Variants in DTNBP1 observed in about 807,000 individuals in gnomAD.
DTNBP1 encodes dystrobrevin binding protein 1.
DTNBP1 carries 35 observed loss-of-function variants against 42.8 expected under a neutral mutation model. The observed-to-expected ratio is 0.82, with a 90% CI of 0.63 to 1.09. The LOEUF (loss-of-function observed/expected upper bound fraction) is 1.09, where lower values mean the gene tolerates loss of function less well. DTNBP1 is among the 50% of genes least tolerant of loss of function. The pLI is 0.00. For synonymous variants in DTNBP1, 171 were observed against 162.2 expected (o/e 1.05, Z -0.41); for missense variants, 457 against 424.2 (o/e 1.08, Z -0.68).
At chr6:15,602,516 T>C (rs1006946419) in intron 6 of DTNBP1, among the ~76,000 whole-genome samples, 1 of 152,238 alleles carries the variant, frequency 6.6e-6, no homozygotes, top group East Asian at 1.9e-4. Flanking sequence ...TTTTATACTT[T>C]TGAAAGTATC....
At chr6:15,619,139 A>C (rs1157984515) in intron 5 of DTNBP1, among the ~76,000 whole-genome samples, 1 of 152,208 alleles carries the variant, frequency 6.6e-6, no homozygotes, top group Non-Finnish European at 1.5e-5. Flanking sequence ...AGGAAGAATA[A>C]GTTCTAGTAT....
At chr6:15,565,445 G>A (rs1775028876) in intron 7 of DTNBP1, among the ~76,000 whole-genome samples, 1 of 152,190 alleles carries the variant, frequency 6.6e-6, no homozygotes, top group African/African-American at 2.4e-5. Flanking sequence ...TCCATTAACT[G>A]GGGAATGGAT....
At chr6:15,559,746 A>G (rs892768464) in intron 7 of DTNBP1, among the ~76,000 whole-genome samples, 7 of 152,190 alleles carry the variant, frequency 4.6e-5, no homozygotes, top group Admixed American at 1.3e-4. Flanking sequence ...CCAACTACAC[A>G]TCACACAATG....
At chr6:15,523,654 G>T (rs1468772812) in intron 9 of DTNBP1, 1 of 1,287,130 alleles carries the variant, frequency 7.8e-7, no homozygotes. Context: ...CAATTTTATG[G>T]AACTAAATAG....
At chr6:15,537,815 A>G (rs1449757141) in intron 7 of DTNBP1, among the ~76,000 whole-genome samples, 1 of 152,188 alleles carries the variant, frequency 6.6e-6, no homozygotes, top group African/African-American at 2.4e-5. Context: ...CCAGCTATGC[A>G]GAACTGTGAG....
intron 7 of DTNBP1, among the ~76,000 whole-genome samples, chr6:15,565,080 G>A (rs1052833081): frequency 1.3e-5 from 2 of 152,152 alleles, no homozygotes; most frequent in Admixed American, 6.5e-5. Flanking sequence ...CACTGTAGCC[G>A]TGACAGAGCA....
intron 1 of DTNBP1, among the ~76,000 whole-genome samples, chr6:15,652,873 C>T (rs1761087610): frequency 6.6e-6 from 1 of 152,208 alleles, no homozygotes; most frequent in Non-Finnish European, 1.5e-5. Flanking sequence ...CTTCCCACCT[C>T]AGCCTCCCCA....
intron 1 of DTNBP1, 28 bp downstream of exon 1, chr6:15,662,786 C>T: frequency 6.2e-7 from 1 of 1,611,994 alleles, no homozygotes; most frequent in African/African-American, 1.3e-5. Context: ...CCCCTCAGGT[C>T]CCTTTTCGTC....
chr6:15,546,088 CAG>C (rs1224881979), intron 7 of DTNBP1: 1 of 367,006 alleles, frequency 2.7e-6, no homozygotes, highest in Non-Finnish European at 5.1e-6. Context: ...TTTTTTGAGA[CAG>C]AGTCTTGCTC....
At chr6:15,577,119 C>G (rs1775612230) in intron 7 of DTNBP1, among the ~76,000 whole-genome samples, 1 of 152,208 alleles carries the variant, frequency 6.6e-6, no homozygotes. Context: ...CCACCACCTA[C>G]AGGAAGAGCA....
chr6:15,593,910 T>A (rs762700860), intron 6 of DTNBP1, among the ~76,000 whole-genome samples: 5 of 152,302 alleles, frequency 3.3e-5, no homozygotes, highest in South Asian at 2.1e-4. Context: ...TGTTTTGAAT[T>A]CTTAAATCAA....
At chr6:15,610,214 C>G (rs1039512386) in intron 6 of DTNBP1, among the ~76,000 whole-genome samples, 2 of 152,176 alleles carry the variant, frequency 1.3e-5, no homozygotes, top group Non-Finnish European at 2.9e-5. Context: ...TTTCAACACA[C>G]CTTATCTTTC....
chr6:15,629,575 A>G (rs1238002485), intron 4 of DTNBP1, among the ~76,000 whole-genome samples: 3 of 152,220 alleles, frequency 2.0e-5, no homozygotes, highest in Non-Finnish European at 2.9e-5. Flanking sequence ...GGAAGGGTAA[A>G]CAGATTCTCA....
chr6:15,553,948 A>G (rs1774365621), intron 7 of DTNBP1, among the ~76,000 whole-genome samples: 1 of 152,178 alleles, frequency 6.6e-6, no homozygotes, highest in Non-Finnish European at 1.5e-5. Flanking sequence ...GAAGCAGGAC[A>G]CAAGATCCTC....
At chr6:15,551,245 C>G (rs183773693) in intron 7 of DTNBP1, among the ~76,000 whole-genome samples, 1 of 152,182 alleles carries the variant, frequency 6.6e-6, no homozygotes, top group Non-Finnish European at 1.5e-5. Flanking sequence ...GTATCAATGC[C>G]TTGGGACAAG....
At chr6:15,542,450 C>G (rs1294510947) in intron 7 of DTNBP1, among the ~76,000 whole-genome samples, 2 of 152,138 alleles carry the variant, frequency 1.3e-5, no homozygotes, top group Non-Finnish European at 2.9e-5. Flanking sequence ...TGGCTCACTG[C>G]AATCTCGGCC....
chr6:15,522,893 A>G lies in DTNBP1; in HGVS notation c.*82T>C. 1 of 1,612,950 alleles carries G rather than the reference A, an allele frequency of 6.2e-7. No individual in the cohort carries two copies. Among genetic ancestry groups the G allele is most frequent in the African/African-American group, 1.3e-5 (1 of 75,052 alleles). On this transcript the variant is annotated 3_prime_UTR_variant, in exon 10 of 10. Coordinates refer to ENST00000344537, the MANE Select transcript of DTNBP1 (RefSeq NM_032122.5). ...TATGTAAAAATCAAGAACCTCTATAAAACAACCTGGCTTTCCAGGTGGAAT... is the reference window on the plus strand; with the variant it reads ...TATGTAAAAATCAAGAACCTCTATAGAACAACCTGGCTTTCCAGGTGGAAT...
chr6:15,654,537 T>C (rs1214705706), intron 1 of DTNBP1, among the ~76,000 whole-genome samples: 2 of 152,326 alleles, frequency 1.3e-5, no homozygotes, highest in African/African-American at 4.8e-5. Context: ...ATTTCAACTA[T>C]TTATTTCTAA....
At chr6:15,589,794 T>A (rs1776220533) in intron 7 of DTNBP1, among the ~76,000 whole-genome samples, 1 of 152,220 alleles carries the variant, frequency 6.6e-6, no homozygotes, top group Admixed American at 6.5e-5. Flanking sequence ...TTCTTTGGTA[T>A]CATAATGACT....
Sources: gnomAD v4.1 joint callset for allele counts (sites outside exome capture counted in the v4.1 genomes callset) on GRCh38, gnomAD v4.1.1 for gene constraint, MANE v1.5 for transcripts, NCBI Gene and HGNC (gene_info 2026-07-23, HGNC 2026-07-21) for gene names.